MTHFD1L: variants seen among roughly 807,000 people sequenced by gnomAD.
MTHFD1L encodes methylenetetrahydrofolate dehydrogenase (NADP+ dependent) 1 like.
Under a neutral mutation model 119.5 loss-of-function variants are expected in MTHFD1L, and 81 were observed. That is an observed-to-expected ratio of 0.68 (90% CI 0.57 to 0.82). The LOEUF (loss-of-function observed/expected upper bound fraction) is 0.82. Among genes scored for constraint, MTHFD1L ranks in the 40% least tolerant of loss-of-function variants. The pLI, the probability that MTHFD1L is intolerant of heterozygous loss-of-function variation, is 0.00. For synonymous variants in MTHFD1L, 430 were observed against 475.2 expected (o/e 0.90, Z 1.24); for missense variants, 1,125 against 1,253.4 (o/e 0.90, Z 1.55).
chr6:150,932,835 G>GAAGGAAGGAAGGAAGGAAGT (rs1791361777), intron 11 of MTHFD1L, among the ~76,000 whole-genome samples: 1 of 144,738 alleles, frequency 6.9e-6, no homozygotes, highest in Admixed American at 6.9e-5. Context: ...AGGAAGGAAG[G>GAAGGAAGGAAGGAAGGAAGT]AAGGAAGGGA....
Position 150,906,490 on chromosome 6 carries a change from C to T in MTHFD1L, c.892+729C>T, listed in dbSNP as rs74380519. On this transcript the variant is annotated intron_variant, in intron 8 of 27. Coordinates refer to ENST00000367321, the MANE Select transcript of MTHFD1L (RefSeq NM_015440.5). ...CTGAGGCTAAGAAAGCCTTGGAGCA[C>T]ACCCAGGCCCTCAGCAAGTCCCTGA... Among the ~76,000 whole-genome samples the T allele has an allele frequency of 4.1e-3, 626 of 152,316 alleles. 1 individual carries two copies. The highest frequency in any genetic ancestry group is 0.013 in the African/African-American group (536 of 41,566).
intron 7 of MTHFD1L, among the ~76,000 whole-genome samples, chr6:150,893,977 T>C (rs1005922041): frequency 6.6e-6 from 1 of 152,102 alleles, no homozygotes; most frequent in Non-Finnish European, 1.5e-5. Context: ...GGTGCAGTGG[T>C]TCACGCCTGT....
At chr6:151,079,752 G>A (rs35767555) in intron 26 of MTHFD1L, among the ~76,000 whole-genome samples, 40,768 of 151,342 alleles carry the variant, frequency 0.27, 5,677 homozygotes, top group South Asian at 0.44. Flanking sequence ...GCCTCCCAAA[G>A]TGCTGGGATT....
Position 151,016,404 on chromosome 6 carries a change from CCTCTGCCTCCCAGGTTCAAGCACTT to C in MTHFD1L, c.2586+721_2586+745del, listed in dbSNP as rs947566535. Among the ~76,000 whole-genome samples the C allele has an allele frequency of 1.3e-4, 19 of 151,986 alleles. No homozygotes were observed. In the East Asian group the frequency reaches 2.5e-3, roughly 20 times the overall value. On this transcript the variant is annotated intron_variant, in intron 24 of 27. Coordinates refer to ENST00000367321, the MANE Select transcript of MTHFD1L (RefSeq NM_015440.5). The stretch of plus-strand genomic sequence containing the variant: ...GTGGTGCAATCTCGGCTTACTGCAA[CCTCTGCCTCCCAGGTTCAAGCACTT>C]CTCTGCCTCAGCCTCCTGACTAGCT...
chr6:150,970,992 T>G (rs1447427330), intron 19 of MTHFD1L, among the ~76,000 whole-genome samples: 1 of 152,182 alleles, frequency 6.6e-6, no homozygotes, highest in Admixed American at 6.5e-5. Context: ...TGCTTCGTGC[T>G]CTCAACATTA....
intron 7 of MTHFD1L, among the ~76,000 whole-genome samples, chr6:150,889,805 T>A (rs989369487): frequency 2.6e-5 from 4 of 152,172 alleles, no homozygotes; most frequent in African/African-American, 9.7e-5. Flanking sequence ...AATAGGCATT[T>A]CGGAAAGCAG....
At chr6:150,888,181 T>C (rs115227537) in intron 7 of MTHFD1L, among the ~76,000 whole-genome samples, 200 bp downstream of exon 7, 1,807 of 152,256 alleles carry the variant, frequency 0.012, 36 homozygotes, top group African/African-American at 0.042. Context: ...ACAAATGAGC[T>C]CTATCAAACA....
intron 16 of MTHFD1L, among the ~76,000 whole-genome samples, chr6:150,950,614 C>T (rs1244815387): frequency 6.6e-6 from 1 of 152,184 alleles, no homozygotes; most frequent in Non-Finnish European, 1.5e-5. Context: ...AAAAGCTCTG[C>T]CCACACGATC....
Position 150,988,896 on chromosome 6 carries a change from A to G in MTHFD1L, c.2125+16838A>G, listed in dbSNP as rs150791252. 4.0e-3 allele frequency among the ~76,000 whole-genome samples: 614 copies of G among 152,260 alleles called. 7 individuals carry two copies. The highest frequency in any genetic ancestry group is 0.013 in the African/African-American group (557 of 41,546). ...GCTGGGATTACAGGCATGTGCCACC[A>G]TACCCAGCTAATTTTGTATTTTTAG... On this transcript the variant is annotated intron_variant, in intron 20 of 27. Coordinates refer to ENST00000367321, the MANE Select transcript of MTHFD1L (RefSeq NM_015440.5).
chr6:151,014,136 G>A (rs1782672812), intron 22 of MTHFD1L, among the ~76,000 whole-genome samples: 1 of 152,172 alleles, frequency 6.6e-6, no homozygotes, highest in Non-Finnish European at 1.5e-5. Context: ...GAACCTGGGA[G>A]GCAGAGGTTG....
intron 24 of MTHFD1L, among the ~76,000 whole-genome samples, chr6:151,017,426 A>C (rs1783255107): frequency 6.6e-6 from 1 of 151,342 alleles, no homozygotes; most frequent in Non-Finnish European, 1.5e-5. Context: ...AGCTCACCGC[A>C]ACCTTCTGCT....
chr6:150,878,292 C>T (rs1452149904), intron 4 of MTHFD1L, among the ~76,000 whole-genome samples: 1 of 151,578 alleles, frequency 6.6e-6, no homozygotes, highest in Non-Finnish European at 1.5e-5. Context: ...ACTTTTGTTG[C>T]CCAGGCTGGA....
intron 20 of MTHFD1L, among the ~76,000 whole-genome samples, chr6:150,996,816 G>A (rs1779865454): frequency 6.6e-6 from 1 of 152,158 alleles, no homozygotes; most frequent in African/African-American, 2.4e-5. Context: ...GCGTGTAGAA[G>A]CAGGTTCCTC....
intron 26 of MTHFD1L, among the ~76,000 whole-genome samples, chr6:151,089,353 G>A (rs917786364): frequency 7.9e-5 from 12 of 152,352 alleles, no homozygotes; most frequent in Non-Finnish European, 1.6e-4. Flanking sequence ...TGTAATCCCA[G>A]CACTTTGGGA....
chr6:150,946,554 G>C (rs1228004440), intron 15 of MTHFD1L, among the ~76,000 whole-genome samples: 1 of 152,032 alleles, frequency 6.6e-6, no homozygotes, highest in African/African-American at 2.4e-5. Flanking sequence ...TGCTGCCTCT[G>C]GTCTTCTAAT....
At chr6:150,941,495 G>A (rs564037551) in intron 13 of MTHFD1L, among the ~76,000 whole-genome samples, 5 of 152,350 alleles carry the variant, frequency 3.3e-5, no homozygotes, top group African/African-American at 1.2e-4. Flanking sequence ...CAGTAGACAC[G>A]ATGAATCCAG....
Position 151,098,195 on chromosome 6 carries a change from A to G in MTHFD1L, c.*32-3331A>G, listed in dbSNP as rs556386169. ...TCTCAAAAATATATATAATGTATCAATACAAGGGAAAAATGGGCAGAAATT... is the reference window on the plus strand; with the variant it reads ...TCTCAAAAATATATATAATGTATCAGTACAAGGGAAAAATGGGCAGAAATT... On this transcript the variant is annotated intron_variant, in intron 27 of 27. Coordinates refer to ENST00000367321, the MANE Select transcript of MTHFD1L (RefSeq NM_015440.5). Among the ~76,000 whole-genome samples the G allele has an allele frequency of 3.9e-5, 6 of 152,192 alleles. No homozygotes were observed. The South Asian group carries it at 6.2e-4, about 16-fold the overall frequency.
intron 26 of MTHFD1L, among the ~76,000 whole-genome samples, chr6:151,069,251 TTCTCTCTC>T (rs371324778): frequency 1.1e-4 from 15 of 136,592 alleles, no homozygotes; most frequent in Non-Finnish European, 2.0e-4. Context: ...TTCTCTCTCT[TTCTCTCTC>T]TCTCTCTCTC....
At position 150,944,610 on chromosome 6, in the gene MTHFD1L, G is replaced by C. The variant is rs1274850492; in HGVS notation, c.1548+17G>C. Reference sequence around the variant, plus strand: ...ACAGATAAGGTGAGAAGGATGCCTTGCTAGCCATTTTGGGTATTGTATCCT... The same window carrying C: ...ACAGATAAGGTGAGAAGGATGCCTTCCTAGCCATTTTGGGTATTGTATCCT... On this transcript the variant is annotated intron_variant, in intron 14 of 27. Coordinates refer to ENST00000367321, the MANE Select transcript of MTHFD1L (RefSeq NM_015440.5). 1 of 1,586,288 alleles carries C rather than the reference G, an allele frequency of 6.3e-7. No homozygotes were observed. The highest frequency in any genetic ancestry group is 1.3e-5 in the African/African-American group (1 of 74,370).
Sources: gnomAD v4.1 joint callset for allele counts (sites outside exome capture counted in the v4.1 genomes callset) on GRCh38, gnomAD v4.1.1 for gene constraint, MANE v1.5 for transcripts, NCBI Gene and HGNC (gene_info 2026-07-23, HGNC 2026-07-21) for gene names.